NAV2: variants seen among roughly 807,000 people sequenced by gnomAD.
NAV2 encodes neuron navigator 2, also known as helicase, APC down-regulated 1.
NAV2 carries 54 observed loss-of-function variants against 223.2 expected under a neutral mutation model. The observed-to-expected ratio is 0.24, with a 90% CI of 0.19 to 0.30. The LOEUF (loss-of-function observed/expected upper bound fraction) is 0.30. Among genes scored for constraint, NAV2 ranks in the 10% least tolerant of loss-of-function variants. The pLI is 1.00. For synonymous variants in NAV2, 1,279 were observed against 1,239.3 expected (o/e 1.03, Z -0.67); for missense variants, 2,806 against 3,147.5 (o/e 0.89, Z 2.60).
At chr11:19,973,638 C>A (rs576705837) in intron 10 of NAV2, among the ~76,000 whole-genome samples, 1 of 152,296 alleles carries the variant, frequency 6.6e-6, no homozygotes, top group South Asian at 2.1e-4. Flanking sequence ...TGAATTGTAG[C>A]ATTGCCATGA....
intron 1 of NAV2, among the ~76,000 whole-genome samples, chr11:19,626,094 C>T (rs531651711): frequency 1.3e-5 from 2 of 152,250 alleles, no homozygotes; most frequent in South Asian, 2.1e-4. Context: ...AGGTCTTATT[C>T]ATAAAATCTT....
intron 20 of NAV2, among the ~76,000 whole-genome samples, chr11:20,066,004 G>A (rs1318605820): frequency 6.6e-6 from 1 of 152,168 alleles, no homozygotes; most frequent in Non-Finnish European, 1.5e-5. Context: ...TGTGACCCTG[G>A]ACAAATGACT....
chr11:19,840,717 T>C (rs2060466847), intron 2 of NAV2, among the ~76,000 whole-genome samples: 1 of 152,200 alleles, frequency 6.6e-6, no homozygotes, highest in South Asian at 2.1e-4. Flanking sequence ...ATCTGTATTA[T>C]AAATGGAAGG....
chr11:19,780,911 G>T (rs1219235942), intron 1 of NAV2, among the ~76,000 whole-genome samples: 1 of 152,068 alleles, frequency 6.6e-6, no homozygotes, highest in Non-Finnish European at 1.5e-5. Flanking sequence ...TTTGTTTTTG[G>T]TCTATACTTT....
intron 1 of NAV2, among the ~76,000 whole-genome samples, chr11:19,514,397 T>A (rs1242687471): frequency 6.6e-6 from 1 of 152,220 alleles, no homozygotes; most frequent in East Asian, 1.9e-4. Flanking sequence ...TTGCGGTTTT[T>A]CTGACCTTAT....
At chr11:19,486,897 G>C (rs377128695) in intron 1 of NAV2, among the ~76,000 whole-genome samples, 2 of 152,168 alleles carry the variant, frequency 1.3e-5, no homozygotes, top group African/African-American at 4.8e-5. Context: ...TTCTGGGATC[G>C]TTGAGTCAGC....
Position 19,400,757 on chromosome 11 carries a change from C to T in NAV2, c.75+49730C>T, listed in dbSNP as rs908489304. 2.6e-5 allele frequency among the ~76,000 whole-genome samples: 4 copies of T among 152,182 alleles called. No homozygotes were observed. The East Asian group carries it at 7.7e-4, about 29-fold the overall frequency. ...CATGTAGGATGCTCATTATCTATTGCATAAATGATAGCTGCTGCTATTATA... is the reference window on the plus strand; with the variant it reads ...CATGTAGGATGCTCATTATCTATTGTATAAATGATAGCTGCTGCTATTATA... On this transcript the variant is annotated intron_variant, in intron 1 of 37. Coordinates refer to the NAV2 transcript ENST00000360655.
chr11:19,541,544 G>A (rs1312108188), intron 1 of NAV2, among the ~76,000 whole-genome samples: 1 of 152,214 alleles, frequency 6.6e-6, no homozygotes, highest in Non-Finnish European at 1.5e-5. Context: ...ACAGGAGCAG[G>A]CTGAGGCCAG....
At chr11:20,068,059 C>T (rs978714683) in intron 20 of NAV2, 127 bp from the exon 21 acceptor site, 74 of 861,014 alleles carry the variant, frequency 8.6e-5, no homozygotes, top group Non-Finnish European at 1.3e-4. Context: ...CAGAGAAATA[C>T]ACCAGAAAAG....
chr11:20,057,138 G>A (rs1007247450), intron 19 of NAV2, among the ~76,000 whole-genome samples: 3 of 152,036 alleles, frequency 2.0e-5, no homozygotes, highest in African/African-American at 7.2e-5. Context: ...GTGCTTCCCG[G>A]TCCCCATATG....
At chr11:19,393,484 C>T (rs1050911909) in intron 1 of NAV2, among the ~76,000 whole-genome samples, 10 of 152,176 alleles carry the variant, frequency 6.6e-5, no homozygotes, top group East Asian at 3.8e-4. Context: ...GGGGAAGCTG[C>T]GGATCCCTTT....
At chr11:19,876,077 G>A (rs1015135570) in intron 4 of NAV2, among the ~76,000 whole-genome samples, 2 of 152,190 alleles carry the variant, frequency 1.3e-5, no homozygotes, top group Non-Finnish European at 2.9e-5. Flanking sequence ...CCAGGCTGGA[G>A]TGCAGTGTCG....
intron 1 of NAV2, among the ~76,000 whole-genome samples, chr11:19,361,526 A>C (rs1298288725): frequency 6.6e-6 from 1 of 151,996 alleles, no homozygotes; most frequent in Non-Finnish European, 1.5e-5. Flanking sequence ...TCTGCACAGA[A>C]GGTAGGCCAA....
At chr11:20,028,791 A>G (rs1406517191) in intron 11 of NAV2, among the ~76,000 whole-genome samples, 1 of 152,184 alleles carries the variant, frequency 6.6e-6, no homozygotes, top group Non-Finnish European at 1.5e-5. Flanking sequence ...GGTGGCTTTA[A>G]GTATTAGGCA....
chr11:19,420,545 A>C (rs1189770118), intron 1 of NAV2, among the ~76,000 whole-genome samples: 1 of 152,244 alleles, frequency 6.6e-6, no homozygotes, highest in Non-Finnish European at 1.5e-5. Context: ...AAGTCTGTTT[A>C]TACAGTGGAC....
intron 1 of NAV2, among the ~76,000 whole-genome samples, chr11:19,628,510 T>A (rs926364802): frequency 6.6e-6 from 1 of 152,166 alleles, no homozygotes; most frequent in Non-Finnish European, 1.5e-5. Context: ...GACACAGATA[T>A]ATATTCGAAA....
intron 1 of NAV2, among the ~76,000 whole-genome samples, chr11:19,751,282 A>G (rs766217813): frequency 8.5e-5 from 13 of 152,180 alleles, no homozygotes; most frequent in Non-Finnish European, 1.6e-4. Flanking sequence ...CTGAGCTCTT[A>G]ACCAATACTC....
At chr11:19,888,510 G>A (rs1474540290) in intron 5 of NAV2, among the ~76,000 whole-genome samples, 2 of 152,180 alleles carry the variant, frequency 1.3e-5, no homozygotes, top group African/African-American at 2.4e-5. Context: ...ATCTCAAAAT[G>A]TTAGCCAGAG....
intron 1 of NAV2, chr11:19,504,967 C>T (rs2043077549): frequency 6.6e-6 from 1 of 152,188 alleles, no homozygotes; most frequent in Admixed American, 6.5e-5. Context: ...TGTCCATGGT[C>T]CACAGATAGA....
Sources: allele counts gnomAD v4.1 joint callset (sites outside exome capture counted in the v4.1 genomes callset), GRCh38; gene constraint gnomAD v4.1.1; transcripts MANE v1.5; gene names NCBI Gene and HGNC (gene_info 2026-07-23, HGNC 2026-07-21).